The following THOC5 variants were observed in gnomAD, a reference collection of about 807,000 sequenced individuals.
THOC5 encodes Fms-interacting protein.
A neutral mutation model predicts 92.9 loss-of-function variants in THOC5; 43 were observed. The observed-to-expected ratio is 0.46, with a 90% confidence interval of 0.36 to 0.60. The LOEUF (loss-of-function observed/expected upper bound fraction) is 0.60. Ranked by LOEUF, THOC5 falls within the 20% of genes least tolerant of loss-of-function variation. THOC5 has a pLI of 0.00. For missense variants in THOC5, 659 were observed against 849.4 expected, an observed-to-expected ratio of 0.78 and a Z score of 2.79; for synonymous variants, 296 against 320.1, an observed-to-expected ratio of 0.92 and a Z score of 0.80.
chr22:29,548,956 T>C (rs941346771), intron 2 of THOC5, 96 bp downstream of exon 2: 2 of 1,187,720 alleles, frequency 1.7e-6, no homozygotes, highest in African/African-American at 3.1e-5. Flanking sequence ...AAGTTGTACC[T>C]GGTAGATGCG....
chr22:29,543,039 A>G (rs1011620202), intron 4 of THOC5, 83 bp from the exon 5 acceptor site: 6 of 983,812 alleles, frequency 6.1e-6, no homozygotes, highest in Non-Finnish European at 9.3e-6. Context: ...GAGAAGGTGT[A>G]AAGGGAATAA....
intron 12 of THOC5, 78 bp from the exon 13 acceptor site, chr22:29,521,177 G>T: frequency 9.8e-7 from 1 of 1,022,940 alleles, no homozygotes; most frequent in Non-Finnish European, 1.5e-6. Context: ...TTTGGGGATG[G>T]TAATGCCACG....
intron 5 of THOC5, among the ~76,000 whole-genome samples, chr22:29,540,978 A>C (rs1354736306): frequency 6.6e-6 from 1 of 152,088 alleles, no homozygotes; most frequent in Non-Finnish European, 1.5e-5. Context: ...GCACTTTGGG[A>C]GGTCGAAATG....
Position 29,553,036 on chromosome 22 carries a change from G to A in THOC5, c.-12+635C>T, listed in dbSNP as rs1029764865. The stretch of plus-strand genomic sequence containing the variant: ...GTGCTTTGTTAAACAGAAGCTTGAA[G>A]GCAGCATGCTCCTTAAGAGTCATCA... On this transcript the variant is annotated intron_variant, in intron 1 of 19. Transcript: ENST00000490103. Among the ~76,000 whole-genome samples, 51 of 152,256 alleles carry A rather than the reference G, an allele frequency of 3.3e-4. No homozygotes were observed. The Middle Eastern group carries it at 0.014, about 41-fold the overall frequency.
intron 4 of THOC5, 59 bp from the exon 5 acceptor site, chr22:29,543,015 G>T: frequency 1.6e-6 from 2 of 1,288,162 alleles, no homozygotes; most frequent in Non-Finnish European, 2.2e-6. Flanking sequence ...CAGAGGAGAG[G>T]GTCAGCAAAC....
intron 1 of THOC5, among the ~76,000 whole-genome samples, chr22:29,552,435 C>G (rs1009850241): frequency 1.3e-5 from 2 of 151,334 alleles, no homozygotes; most frequent in African/African-American, 4.9e-5. Flanking sequence ...TGCCCGGCTG[C>G]GACCCCGTCT....
intron 12 of THOC5, among the ~76,000 whole-genome samples, chr22:29,524,847 A>T (rs1250601005): frequency 6.6e-6 from 1 of 152,122 alleles, no homozygotes; most frequent in Non-Finnish European, 1.5e-5. Context: ...CCAGAGCTGT[A>T]CCTCCCTAAG....
chr22:29,512,630 TG>T (rs1361519113), intron 17 of THOC5, among the ~76,000 whole-genome samples: 5 of 152,372 alleles, frequency 3.3e-5, no homozygotes, highest in Non-Finnish European at 7.3e-5. Context: ...GAGTCCTTAC[TG>T]TATCCCAGGC....
intron 12 of THOC5, among the ~76,000 whole-genome samples, chr22:29,523,741 C>A (rs1322124560): frequency 1.3e-5 from 2 of 152,050 alleles, no homozygotes; most frequent in Non-Finnish European, 2.9e-5. Flanking sequence ...TTATAGTGAT[C>A]CAGACTCAAA....
chr22:29,528,373 T>C (rs762527970), intron 10 of THOC5, 53 bp downstream of exon 10: 4 of 1,614,086 alleles, frequency 2.5e-6, no homozygotes, highest in Non-Finnish European at 3.4e-6. Flanking sequence ...CGAACAAGCA[T>C]GCCCCAGTGC....
chr22:29,524,789 C>T (rs2063510687), intron 12 of THOC5, among the ~76,000 whole-genome samples: 1 of 152,176 alleles, frequency 6.6e-6, no homozygotes, highest in Admixed American at 6.5e-5. Flanking sequence ...GAGACACCAG[C>T]ATCATGGAGA....
At chr22:29,513,251 G>C (rs2065678571) in intron 17 of THOC5, among the ~76,000 whole-genome samples, 1 of 152,002 alleles carries the variant, frequency 6.6e-6, no homozygotes, top group South Asian at 2.1e-4. Context: ...CAGCTACTCA[G>C]GAGGTTGAGG....
intron 3 of THOC5, 34 bp downstream of exon 3, chr22:29,544,426 A>G (rs1241464052): frequency 1.2e-6 from 2 of 1,603,998 alleles, no homozygotes; most frequent in African/African-American, 2.7e-5. Context: ...ATGTAAACCC[A>G]CCAGGTTCAC....
intron 1 of THOC5, chr22:29,553,444 T>C (rs572315458): frequency 1.3e-5 from 2 of 152,048 alleles, no homozygotes; most frequent in Non-Finnish European, 2.9e-5. Context: ...TCAGGCTACA[T>C]TACCACAATC....
In THOC5 at chr22:29,517,297, A is replaced by G. The variant is rs769666296; in HGVS notation, c.1559T>C (p.Val520Ala). The G allele has an allele frequency of 8.1e-6, 13 of 1,614,040 alleles. No individual in the cohort carries two copies. The highest frequency in any genetic ancestry group is 1.1e-5 in the Non-Finnish European group (13 of 1,180,026). ...LFPAKVVSRL[V>A]KWVTVAHEDY... ...CTCATGGGCAACTGTCACCCATTTCACCAGGCGAGAGACAACCTTGGCAGG... is the reference window on the plus strand; with the variant it reads ...CTCATGGGCAACTGTCACCCATTTCGCCAGGCGAGAGACAACCTTGGCAGG... Residue 520 changes from valine (V) to alanine (A), a missense_variant, in exon 16 of 20, where the codon GTG (valine) becomes GCG (alanine). Coordinates refer to ENST00000490103, the MANE Select transcript of THOC5 (RefSeq NM_003678.5).
At chr22:29,514,238 C>T (rs5763293) in intron 17 of THOC5, among the ~76,000 whole-genome samples, 26,511 of 152,034 alleles carry the variant, frequency 0.17, 2,543 homozygotes, top group Middle Eastern at 0.23. Context: ...TGAGCCACCA[C>T]GCCCAGGCTG....
At chr22:29,511,776 T>C (rs2063228489) in intron 18 of THOC5, among the ~76,000 whole-genome samples, 1 of 152,222 alleles carries the variant, frequency 6.6e-6, no homozygotes, top group African/African-American at 2.4e-5. Context: ...CAATAACCTT[T>C]CAAGGTAGGT....
At position 29,523,477 on chromosome 22, in the gene THOC5, C is replaced by T. The variant is rs75887109; in HGVS notation, c.1175+2361G>A. 0.024 allele frequency among the ~76,000 whole-genome samples: 3,659 copies of T among 152,214 alleles called. 363 individuals carry two copies. The East Asian group carries it at 0.35, about 15-fold the overall frequency. ...AAAAATTTCGAAAACCTAATCTGATCAAGTCTCTAAGCCAACTCCCTGTTC... is the reference window on the plus strand; with the variant it reads ...AAAAATTTCGAAAACCTAATCTGATTAAGTCTCTAAGCCAACTCCCTGTTC... On this transcript the variant is annotated intron_variant, in intron 12 of 19. Coordinates refer to ENST00000490103, the MANE Select transcript of THOC5 (RefSeq NM_003678.5).
chr22:29,537,489 A>T (rs1261529575), intron 6 of THOC5, among the ~76,000 whole-genome samples: 4 of 152,190 alleles, frequency 2.6e-5, no homozygotes, highest in African/African-American at 7.2e-5. Context: ...AAATACAAAA[A>T]TTAGCTGGGC....
Sources: gnomAD v4.1 joint callset for allele counts (sites outside exome capture counted in the v4.1 genomes callset) on GRCh38, gnomAD v4.1.1 for gene constraint, MANE v1.5 for transcripts, NCBI Gene and HGNC (gene_info 2026-07-23, HGNC 2026-07-21) for gene names.